Variants in SKI observed in about 807,000 individuals in gnomAD.
SKI encodes the protein SKI proto-oncogene.
In SKI, 23 loss-of-function variants were observed where a neutral mutation model predicts 59.3. The ratio of observed to expected loss-of-function variants is 0.39; its 90% CI spans 0.28 to 0.55. The LOEUF is 0.55. SKI is among the 20% of genes least tolerant of loss of function. The probability of loss-of-function intolerance (pLI) is 0.67; values close to 1 mark genes in which losing one functional copy is unlikely to be tolerated. For missense variants in SKI, 1,017 were observed against 1,038.9 expected (o/e 0.98, Z 0.29); for synonymous variants, 673 against 488.6 (o/e 1.38, Z -4.98).
chr1:2,295,486 T>G (rs1330499687), intron 1 of SKI, among the ~76,000 whole-genome samples: 1 of 152,226 alleles, frequency 6.6e-6, no homozygotes, highest in Non-Finnish European at 1.5e-5. Context: ...ATCATCTAAG[T>G]TGAGAACATT....
At chr1:2,274,975 T>C (rs1423471809) in intron 1 of SKI, among the ~76,000 whole-genome samples, 2 of 152,290 alleles carry the variant, frequency 1.3e-5, no homozygotes, top group African/African-American at 2.4e-5. Flanking sequence ...TGCTGGTCTT[T>C]CCAGGCATCC....
At chr1:2,242,515 G>T (rs1638901788) in intron 1 of SKI, among the ~76,000 whole-genome samples, 2 of 152,146 alleles carry the variant, frequency 1.3e-5, no homozygotes, top group Admixed American at 1.3e-4. Flanking sequence ...TTGATGGAAA[G>T]ATTTTTCTTT....
At chr1:2,298,349 C>T (rs1349001840) in intron 1 of SKI, among the ~76,000 whole-genome samples, 1 of 152,022 alleles carries the variant, frequency 6.6e-6, no homozygotes, top group Non-Finnish European at 1.5e-5. Context: ...TGTGGTTGTC[C>T]CTGGGGTTGG....
At chr1:2,306,435 G>A in intron 6 of SKI, 142 bp from the exon 7 acceptor site, 1 of 1,014,134 alleles carries the variant, frequency 9.9e-7, no homozygotes, top group Non-Finnish European at 1.4e-6. Flanking sequence ...TCGTGAGCCT[G>A]TGTCCTAGCA....
intron 1 of SKI, among the ~76,000 whole-genome samples, chr1:2,235,038 TG>T (rs1451381454): frequency 7.2e-6 from 1 of 138,040 alleles, no homozygotes; most frequent in Non-Finnish European, 1.6e-5. Context: ...GGTTTTTTTT[TG>T]TTGTTATTTT....
chr1:2,258,087 G>A (rs1639310769), intron 1 of SKI, among the ~76,000 whole-genome samples: 1 of 152,260 alleles, frequency 6.6e-6, no homozygotes, highest in African/African-American at 2.4e-5. Context: ...GAGCAAGGAA[G>A]AGTGTGAAGA....
chr1:2,242,769 C>T (rs941125923), intron 1 of SKI, among the ~76,000 whole-genome samples: 4 of 152,206 alleles, frequency 2.6e-5, no homozygotes, highest in Admixed American at 1.3e-4. Flanking sequence ...ATCCTCCTGC[C>T]TCAGCCTCCC....
At chr1:2,241,422 C>T (rs1406549143) in intron 1 of SKI, among the ~76,000 whole-genome samples, 1 of 152,018 alleles carries the variant, frequency 6.6e-6, no homozygotes, top group Admixed American at 6.6e-5. Context: ...AGACTGAGTC[C>T]TGCTCTGTCG....
At chr1:2,264,037 C>G (rs573353784) in intron 1 of SKI, among the ~76,000 whole-genome samples, 146 of 151,406 alleles carry the variant, frequency 9.6e-4, no homozygotes, top group African/African-American at 3.4e-3. Context: ...TTTCGTGGAA[C>G]TTACCATTAA....
At chr1:2,305,931 C>A in intron 5 of SKI, 89 bp from the exon 6 acceptor site, 2 of 1,025,238 alleles carry the variant, frequency 2.0e-6, no homozygotes, top group Non-Finnish European at 3.0e-6. Flanking sequence ...GATAGATGAC[C>A]CCACGGGGTG....
chr1:2,264,688 C>A (rs1041879087), intron 1 of SKI, among the ~76,000 whole-genome samples: 1 of 152,162 alleles, frequency 6.6e-6, no homozygotes, highest in East Asian at 1.9e-4. Context: ...AGGCATGAGC[C>A]ACCGTGCCTG....
chr1:2,289,482 G>A (rs1353635725), intron 1 of SKI, among the ~76,000 whole-genome samples: 1 of 148,982 alleles, frequency 6.7e-6, no homozygotes, highest in African/African-American at 2.5e-5. Context: ...GGCAGGGCAG[G>A]AGAACCAAGA....
chr1:2,259,874 T>C (rs1270757700), intron 1 of SKI, among the ~76,000 whole-genome samples: 1 of 152,262 alleles, frequency 6.6e-6, no homozygotes, highest in African/African-American at 2.4e-5. Context: ...TGCTGGGCAG[T>C]GTTCCCCTGC....
chr1:2,270,341 G>A lies in SKI; in HGVS notation c.970-32637G>A, dbSNP rs1046982205. On this transcript the variant is annotated intron_variant, in intron 1 of 6. Coordinates refer to ENST00000378536, the MANE Select transcript of SKI (RefSeq NM_003036.4). The surrounding 1 kb of genome is among the most constrained non-coding windows in gnomAD (Gnocchi z 4.1). ...GCTGGTGACACCACTCTGACGCCAC[G>A]GCCTGAGGCAGCCGTTGGACAGTGC... is the stretch of plus-strand genomic sequence containing the variant. 6.6e-6 allele frequency among the ~76,000 whole-genome samples: 1 copy of A among 152,226 alleles called. No individual in the cohort carries two copies. Among genetic ancestry groups the A allele is most frequent in the South Asian group, 2.1e-4 (1 of 4,836 alleles).
chr1:2,276,370 G>A (rs1402987242), intron 1 of SKI, among the ~76,000 whole-genome samples: 5 of 152,200 alleles, frequency 3.3e-5, no homozygotes, highest in African/African-American at 1.2e-4. Context: ...CAAAGGAAGG[G>A]CTGCCCCGAC....
At position 2,275,211 on chromosome 1, in the gene SKI, TGGAA is replaced by T. The variant is rs377337341; in HGVS notation, c.970-27762_970-27759del. On this transcript the variant is annotated intron_variant, in intron 1 of 6. Transcript: ENST00000378536. ...GCGGGGTCCTGGTCTGATTCTGTCTTGGAAGGAACATCGGGCCCCTGAGAGGTCA... is the reference window on the plus strand; with the variant it reads ...GCGGGGTCCTGGTCTGATTCTGTCTTGGAACATCGGGCCCCTGAGAGGTCA... Among the ~76,000 whole-genome samples, 50 of 152,300 alleles carry T rather than the reference TGGAA, an allele frequency of 3.3e-4. No homozygotes were observed. In the East Asian group the frequency reaches 9.1e-3, roughly 28 times the overall value.
rs926833003 is a variant in SKI at position 2,268,051 on chromosome 1, G to C, written c.970-34927G>C. ...CACCCTTAGAAGCAGGTTCCCACAG[G>C]CCAGGGCACTCCCAACAGCACTGCG... On this transcript the variant is annotated intron_variant, in intron 1 of 6. Coordinates refer to ENST00000378536, the MANE Select transcript of SKI (RefSeq NM_003036.4). The surrounding 1 kb of genome is among the most constrained non-coding windows in gnomAD (Gnocchi z 5.0). Among the ~76,000 whole-genome samples, 4 of 152,158 alleles carry C rather than the reference G, an allele frequency of 2.6e-5. No individual in the cohort carries two copies. The highest frequency in any genetic ancestry group is 2.9e-5 in the Non-Finnish European group (2 of 68,004).
Position 2,240,395 on chromosome 1 carries a change from C to T in SKI, c.969+10660C>T, listed in dbSNP as rs137911642. 18 of 759,356 alleles carry T rather than the reference C, an allele frequency of 2.4e-5. No homozygotes were observed. In the East Asian group the frequency reaches 3.9e-4, roughly 16 times the overall value. The allele number at this position is 759,356 out of a possible 1,614,324, so 47.0% of individuals were successfully genotyped here. A position where few individuals can be genotyped will look rare whatever the true frequency, so the allele number is the denominator to read the frequency against. The stretch of plus-strand genomic sequence containing the variant: ...AATGTGGGCCAGGCAGGTCTGGCTA[C>T]GGGCAGGAGTGTGTCTGGGACTCTG... On this transcript the variant is annotated intron_variant, in intron 1 of 6. Transcript: ENST00000378536.
rs145432084 is a variant in SKI, at chr1:2,276,524, G to A, written c.970-26454G>A. On this transcript the variant is annotated intron_variant, in intron 1 of 6. Transcript: ENST00000378536. Reference sequence around the variant, plus strand: ...GGGCCCCCTGTCTGTGCCTCTAGAGGCCCTGAGCCACCTCCTGCAGTGTTT... The same window carrying A: ...GGGCCCCCTGTCTGTGCCTCTAGAGACCCTGAGCCACCTCCTGCAGTGTTT... 1.7e-3 allele frequency among the ~76,000 whole-genome samples: 265 copies of A among 152,358 alleles called. 2 individuals carry two copies. Among genetic ancestry groups the A allele is most frequent in the African/African-American group, 6.2e-3 (258 of 41,594 alleles).
Sources: allele counts gnomAD v4.1 joint callset (sites outside exome capture counted in the v4.1 genomes callset), GRCh38; gene constraint gnomAD v4.1.1; non-coding constraint Gnocchi (gnomAD v3.1); transcripts MANE v1.5; gene names NCBI Gene and HGNC (gene_info 2026-07-23, HGNC 2026-07-21).